SPMIP2: variants seen among roughly 807,000 people sequenced by gnomAD.
SPMIP2 encodes protein SPMIP2.
the SPMIP2 span, among the ~76,000 whole-genome samples, chr4:158,938,062 A>G: frequency 5.9e-5 from 9 of 152,346 alleles, no homozygotes; most frequent in Admixed American, 3.9e-4. Flanking sequence ...GGACAAAACT[A>G]TTTTGCAAAA....
chr4:158,922,341 T>C, the SPMIP2 span, among the ~76,000 whole-genome samples: 1 of 152,152 alleles, frequency 6.6e-6, no homozygotes, highest in Non-Finnish European at 1.5e-5. Context: ...CTTCTCACTC[T>C]GCTCTGGACC....
the SPMIP2 span, among the ~76,000 whole-genome samples, chr4:159,064,021 G>A: frequency 6.6e-6 from 1 of 152,130 alleles, no homozygotes; most frequent in East Asian, 1.9e-4. Flanking sequence ...CTTTATTGCT[G>A]TTCTCTCTCA....
At chr4:158,969,930 T>C in the SPMIP2 span, among the ~76,000 whole-genome samples, 3 of 152,162 alleles carry the variant, frequency 2.0e-5, no homozygotes, top group Non-Finnish European at 4.4e-5. Flanking sequence ...TGGATTATTA[T>C]GGGACAAGGA....
At chr4:159,043,493 AC>A in the SPMIP2 span, among the ~76,000 whole-genome samples, 1 of 152,084 alleles carries the variant, frequency 6.6e-6, no homozygotes, top group Non-Finnish European at 1.5e-5. Flanking sequence ...GACTACCAGC[AC>A]CCACCACCTT....
the SPMIP2 span, among the ~76,000 whole-genome samples, chr4:158,987,710 C>T: frequency 6.6e-6 from 1 of 152,128 alleles, no homozygotes; most frequent in Admixed American, 6.6e-5. Context: ...AGCACACCAG[C>T]ATGGCACATG....
chr4:158,960,276 A>G, the SPMIP2 span: 1 of 1,490,324 alleles, frequency 6.7e-7, no homozygotes. Flanking sequence ...ATATATTCAT[A>G]TTTGCTTACC....
At chr4:159,014,561 G>A in the SPMIP2 span, among the ~76,000 whole-genome samples, 2 of 152,110 alleles carry the variant, frequency 1.3e-5, no homozygotes, top group Non-Finnish European at 2.9e-5. Context: ...TGCACATTGT[G>A]CAGGTTAGTT....
the SPMIP2 span, among the ~76,000 whole-genome samples, chr4:158,964,441 A>T: frequency 6.6e-6 from 1 of 152,172 alleles, no homozygotes; most frequent in Non-Finnish European, 1.5e-5. Flanking sequence ...TGGATTTCTG[A>T]CCTATAGAAC....
chr4:159,021,054 C>A, the SPMIP2 span, among the ~76,000 whole-genome samples: 1 of 152,270 alleles, frequency 6.6e-6, no homozygotes, highest in East Asian at 1.9e-4. Flanking sequence ...AGCCACCGCA[C>A]CCGGCCTCTG....
chr4:158,904,649 C>A, the SPMIP2 span: 1 of 959,972 alleles, frequency 1.0e-6, no homozygotes, highest in Non-Finnish European at 1.6e-6. Context: ...GAAGAGCAAA[C>A]AGAAACAGTC....
the SPMIP2 span, chr4:159,007,817 G>A: frequency 4.1e-4 from 234 of 565,258 alleles, no homozygotes; most frequent in African/African-American, 4.0e-3. Flanking sequence ...AGGGTGAAGA[G>A]AAGCCATCTA....
the SPMIP2 span, chr4:159,035,007 T>TGAAA: frequency 2.5e-6 from 4 of 1,590,102 alleles, no homozygotes. Flanking sequence ...GATCTCCTTG[T>TGAAA]GAAAGCAAAC....
At chr4:158,958,646 C>T in the SPMIP2 span, among the ~76,000 whole-genome samples, 1 of 152,310 alleles carries the variant, frequency 6.6e-6, no homozygotes, top group Non-Finnish European at 1.5e-5. Flanking sequence ...GGAGACTCAG[C>T]ACTAACCTTT....
the SPMIP2 span, among the ~76,000 whole-genome samples, chr4:158,985,937 C>G: frequency 6.7e-6 from 1 of 149,182 alleles, no homozygotes; most frequent in African/African-American, 2.5e-5. Context: ...TCAGAAAAGT[C>G]TCAGGATACA....
At chr4:158,905,086 C>G in the SPMIP2 span, 1 of 153,000 alleles carries the variant, frequency 6.5e-6, no homozygotes, top group Non-Finnish European at 1.5e-5. Context: ...ATCTTCAGCT[C>G]CAGTGGCTTT....
At chr4:159,024,638 C>A in the SPMIP2 span, among the ~76,000 whole-genome samples, 1 of 152,138 alleles carries the variant, frequency 6.6e-6, no homozygotes, top group African/African-American at 2.4e-5. Context: ...TCTTTCTATT[C>A]TTTCTGAATG....
chr4:159,001,266 T>C, the SPMIP2 span, among the ~76,000 whole-genome samples: 1 of 152,236 alleles, frequency 6.6e-6, no homozygotes, highest in Non-Finnish European at 1.5e-5. Context: ...CTTTTGCTTA[T>C]TTGCTATCCA....
At chr4:159,016,006 G>A in the SPMIP2 span, among the ~76,000 whole-genome samples, 3 of 152,362 alleles carry the variant, frequency 2.0e-5, no homozygotes, top group Non-Finnish European at 2.9e-5. Context: ...ATTCAGAGAA[G>A]GGTGTGGTCA....
the SPMIP2 span, among the ~76,000 whole-genome samples, chr4:158,999,769 A>G: frequency 6.6e-6 from 1 of 152,234 alleles, no homozygotes; most frequent in African/African-American, 2.4e-5. Flanking sequence ...TAAACAGGTG[A>G]AATATTAGGT....
Sources: gnomAD v4.1 joint callset for allele counts (sites outside exome capture counted in the v4.1 genomes callset) on GRCh38, gnomAD v4.1.1 for gene constraint, MANE v1.5 for transcripts, NCBI Gene and HGNC (gene_info 2026-07-23, HGNC 2026-07-21) for gene names.